The following CDC42BPB variants were observed in gnomAD, a reference collection of about 807,000 sequenced individuals.
CDC42BPB encodes CDC42 binding protein kinase beta.
In CDC42BPB, 37 loss-of-function variants were observed where a neutral mutation model predicts 214.9. The observed-to-expected ratio is 0.17, with a 90% confidence interval of 0.13 to 0.23. CDC42BPB has a LOEUF of 0.23. CDC42BPB is among the 10% of genes least tolerant of loss of function. The pLI, the probability that CDC42BPB is intolerant of heterozygous loss-of-function variation, is 1.00. For missense variants in CDC42BPB, 1,694 were observed against 2,227.0 expected (o/e 0.76, Z 4.82); for synonymous variants, 931 against 884.0 (o/e 1.05, Z -0.94).
intron 34 of CDC42BPB, among the ~76,000 whole-genome samples, chr14:102,939,235 A>G (rs1272210476): frequency 6.6e-6 from 1 of 152,250 alleles, no homozygotes; most frequent in Non-Finnish European, 1.5e-5. Flanking sequence ...CACCACGCCC[A>G]GCCAAAAACA....
At chr14:103,018,030 G>C (rs1886562764) in intron 1 of CDC42BPB, among the ~76,000 whole-genome samples, 1 of 152,236 alleles carries the variant, frequency 6.6e-6, no homozygotes, top group African/African-American at 2.4e-5. Flanking sequence ...GAGGAGGTGA[G>C]GTGATGGTTT....
intron 24 of CDC42BPB, among the ~76,000 whole-genome samples, chr14:102,952,238 T>C (rs577139049): frequency 6.6e-6 from 1 of 152,166 alleles, no homozygotes; most frequent in African/African-American, 2.4e-5. Flanking sequence ...GTGTCTGAGG[T>C]CTCAACTACT....
At chr14:102,978,101 TG>T in intron 9 of CDC42BPB, 24 bp downstream of exon 9, 4 of 1,557,216 alleles carry the variant, frequency 2.6e-6, no homozygotes, top group Non-Finnish European at 2.7e-6. Context: ...AGTGTCTCCC[TG>T]GGGAATGATA....
chr14:103,014,800 C>A (rs1886362037), intron 1 of CDC42BPB, among the ~76,000 whole-genome samples: 1 of 152,046 alleles, frequency 6.6e-6, no homozygotes, highest in Non-Finnish European at 1.5e-5. Context: ...AAAGGCCAGG[C>A]TGAAGAAAAC....
intron 13 of CDC42BPB, 38 bp downstream of exon 13, chr14:102,971,881 T>C (rs760805810): frequency 6.3e-7 from 1 of 1,588,178 alleles, no homozygotes; most frequent in Non-Finnish European, 8.6e-7. Flanking sequence ...CACACAAATG[T>C]CCAGTCGATA....
In CDC42BPB at chr14:102,964,412, CGA is replaced by C; in HGVS notation, c.2726+88_2726+89del. The C allele has an allele frequency of 3.4e-6, 5 of 1,484,690 alleles. No homozygotes were observed. The South Asian group carries it at 6.1e-5, about 18-fold the overall frequency. 92.0% of individuals were successfully genotyped at this position (1,484,690 alleles called of 1,614,324 possible). A position where few individuals can be genotyped will look rare whatever the true frequency, so the allele number is the denominator to read the frequency against. ...AACGCCGTGGCCCCGATTTTCCAGG[CGA>C]GGAGCATCGGAGCCCGTGAGGCTCA... On this transcript the variant is annotated intron_variant, in intron 19 of 36. Transcript: ENST00000361246.
intron 11 of CDC42BPB, among the ~76,000 whole-genome samples, chr14:102,975,410 C>T (rs1054327862): frequency 1.3e-5 from 2 of 152,152 alleles, no homozygotes; most frequent in African/African-American, 4.8e-5. Context: ...GTAATCCCAG[C>T]TACTTGGGAG....
chr14:103,041,868 GA>G, intron 1 of CDC42BPB: 1 of 413,906 alleles, frequency 2.4e-6, no homozygotes. Flanking sequence ...CGGCCACCAG[GA>G]AGGGAGACAG....
intron 2 of CDC42BPB, 135 bp downstream of exon 2, chr14:103,011,962 A>G: frequency 1.5e-6 from 1 of 680,834 alleles, no homozygotes; most frequent in Non-Finnish European, 2.6e-6. Flanking sequence ...AAAGAGAGAG[A>G]GGAAAAAACA....
rs184629198 is a variant in CDC42BPB, at chr14:102,957,390, T to C, written c.2901+2241A>G. Among the ~76,000 whole-genome samples the C allele has an allele frequency of 7.9e-5, 12 of 152,030 alleles. No homozygotes were observed. The East Asian group carries it at 2.1e-3, about 27-fold the overall frequency. ...ACTTGCTACCGGGCCCTCTACTCTG[T>C]TAATGTTACAGAAAGCTACCGCTTT... On this transcript the variant is annotated intron_variant, in intron 21 of 36. Transcript: ENST00000361246.
At chr14:103,053,703 A>C (rs770675962) in intron 1 of CDC42BPB, among the ~76,000 whole-genome samples, 4 of 150,108 alleles carry the variant, frequency 2.7e-5, no homozygotes, top group Non-Finnish European at 5.9e-5. Flanking sequence ...CAGAGCTTGC[A>C]GTGAGCCGAG....
At chr14:102,948,104 C>CA (rs1892269398) in intron 26 of CDC42BPB, 7 of 273,350 alleles carry the variant, frequency 2.6e-5, no homozygotes, top group Non-Finnish European at 3.5e-5. Context: ...CACAGCCAGG[C>CA]AGTCCCTCCA....
At chr14:103,043,218 TGA>T (rs1311882319) in intron 1 of CDC42BPB, among the ~76,000 whole-genome samples, 1 of 151,982 alleles carries the variant, frequency 6.6e-6, no homozygotes, top group East Asian at 1.9e-4. Flanking sequence ...CACTCCAGCT[TGA>T]GAGAGAGAGC....
intron 1 of CDC42BPB, among the ~76,000 whole-genome samples, chr14:103,021,873 G>A (rs1423087729): frequency 6.6e-6 from 1 of 152,170 alleles, no homozygotes; most frequent in Non-Finnish European, 1.5e-5. Context: ...CTGAAAGTGA[G>A]ACGAGCGGAT....
At chr14:102,951,457 G>A (rs893382582) in intron 24 of CDC42BPB, among the ~76,000 whole-genome samples, 14 of 152,036 alleles carry the variant, frequency 9.2e-5, no homozygotes, top group East Asian at 5.8e-4. Context: ...AGAGCATGTC[G>A]AATCCCAGCA....
intron 1 of CDC42BPB, chr14:103,041,734 G>A: frequency 1.8e-6 from 1 of 545,736 alleles, no homozygotes; most frequent in Non-Finnish European, 3.4e-6. Context: ...CAAGAAGGTG[G>A]CCCAGACCAT....
chr14:103,036,861 G>A (rs1887692696), intron 1 of CDC42BPB, among the ~76,000 whole-genome samples: 1 of 152,088 alleles, frequency 6.6e-6, no homozygotes, highest in African/African-American at 2.4e-5. Flanking sequence ...CTGTCGCCCA[G>A]GCTGCAGTAC....
At chr14:103,052,189 G>C (rs1187601611) in intron 1 of CDC42BPB, among the ~76,000 whole-genome samples, 2 of 152,134 alleles carry the variant, frequency 1.3e-5, no homozygotes, top group Non-Finnish European at 2.9e-5. Flanking sequence ...GGTTTCAGCT[G>C]TCCTATCTCA....
At chr14:102,986,029 G>A (rs1357803338) in intron 6 of CDC42BPB, among the ~76,000 whole-genome samples, 3 of 152,208 alleles carry the variant, frequency 2.0e-5, no homozygotes, top group Non-Finnish European at 4.4e-5. Flanking sequence ...GAGCACCTAG[G>A]ACTCTATTTC....
Sources: gnomAD v4.1 joint callset for allele counts (sites outside exome capture counted in the v4.1 genomes callset) on GRCh38, gnomAD v4.1.1 for gene constraint, MANE v1.5 for transcripts, NCBI Gene and HGNC (gene_info 2026-07-23, HGNC 2026-07-21) for gene names.